Variants in ONECUT3 observed in about 807,000 individuals in gnomAD.
The protein encoded by ONECUT3 is one cut homeobox 3.
ONECUT3 carries 11 observed loss-of-function variants against 16.8 expected under a neutral mutation model. The ratio of observed to expected loss-of-function variants is 0.66; its 90% CI spans 0.41 to 1.09. The LOEUF (loss-of-function observed/expected upper bound fraction) is 1.09, where lower values mean the gene tolerates loss of function less well. Ranked by LOEUF, ONECUT3 falls within the 50% of genes least tolerant of loss-of-function variation. The probability of loss-of-function intolerance (pLI) is 0.00; values close to 1 mark genes in which losing one functional copy is unlikely to be tolerated. For missense variants in ONECUT3, 637 were observed against 629.9 expected (o/e 1.01, Z -0.12); for synonymous variants, 344 against 310.7 (o/e 1.11, Z -1.13).
chr19:1,761,846 C>G (rs1403636423), intron 1 of ONECUT3, among the ~76,000 whole-genome samples: 1 of 152,180 alleles, frequency 6.6e-6, no homozygotes, highest in African/African-American at 2.4e-5. Flanking sequence ...CGGCACCCCT[C>G]CTGAGTCCCG....
chr19:1,775,145 G>GGCCC lies in ONECUT3; in HGVS notation c.1193-8_1193-7insGCCC. 1.3e-6 allele frequency: 1 copy of GGCCC among 798,280 alleles called. No individual in the cohort carries two copies. The highest frequency in any genetic ancestry group is 2.0e-5 in the African/African-American group (1 of 50,714). The allele number at this position is 798,280 out of a possible 1,614,324, so 49.4% of individuals were successfully genotyped here. On this transcript the variant is annotated splice_region_variant and splice_polypyrimidine_tract_variant and intron_variant, in intron 1 of 1. Coordinates refer to ENST00000382349, the MANE Select transcript of ONECUT3 (RefSeq NM_001080488.2). Reference sequence around the variant, plus strand: ...CCGCTCGCCCGCCCGCCCGCCGCTCGCCCGCAGCCTGCAAGCGCAAGGAAC... The same window carrying GGCCC: ...CCGCTCGCCCGCCCGCCCGCCGCTCGGCCCCCCGCAGCCTGCAAGCGCAAGGAAC...
chr19:1,768,532 C>T (rs904878014), intron 1 of ONECUT3, among the ~76,000 whole-genome samples: 1 of 152,116 alleles, frequency 6.6e-6, no homozygotes, highest in African/African-American at 2.4e-5. Flanking sequence ...GCCTGGGGTC[C>T]CAGAGCAAGC....
Position 1,759,974 on chromosome 19 carries a change from C to G in ONECUT3, c.1192+5120C>G, listed in dbSNP as rs1002828105. 6.6e-6 allele frequency among the ~76,000 whole-genome samples: 1 copy of G among 152,210 alleles called. No homozygotes were observed. Among genetic ancestry groups the G allele is most frequent in the Non-Finnish European group, 1.5e-5 (1 of 68,036 alleles). On this transcript the variant is annotated intron_variant, in intron 1 of 1. Transcript: ENST00000382349. The surrounding 1 kb of genome is among the most constrained non-coding windows in gnomAD (Gnocchi z 4.1). ...CAAAACTTCAGGGCCCGGGGAGGAG[C>G]AGCCCTAGCTAGGGACCTGGGCCAG...
rs1461603965 is a variant in ONECUT3 at position 1,754,197 on chromosome 19, G to T, written c.535G>T (p.Ala179Ser). ...TLMRDERAALASVGHLYGPYG... is the reference protein window; with the variant it reads ...TLMRDERAALSSVGHLYGPYG... Reference sequence around the variant, plus strand: ...CATGCGCGACGAGCGGGCGGCGCTCGCCTCCGTGGGCCACCTCTACGGACC... The same window carrying T: ...CATGCGCGACGAGCGGGCGGCGCTCTCCTCCGTGGGCCACCTCTACGGACC... Residue 179 changes from alanine to serine, a missense_variant, in exon 1 of 2, where the codon GCC (alanine) becomes TCC (serine). Physicochemically the swap from Ala to Ser is moderately conservative, Grantham distance 99 (BLOSUM62 1). Around this residue, in one of 3 missense-constraint regions of ONECUT3, gnomAD observed 419 missense variants for 377.9 expected, o/e 1.11. Transcript: ENST00000382349. This position sits in a 1 kb window ranked among gnomAD's most constrained non-coding sequence, Gnocchi z 7.4. The T allele has an allele frequency of 1.7e-6, 2 of 1,144,942 alleles. No homozygotes were observed. The highest frequency in any genetic ancestry group is 7.0e-5 in the East Asian group (1 of 14,298). The allele number at this position is 1,144,942 out of a possible 1,614,324, so 70.9% of individuals were successfully genotyped here.
chr19:1,762,267 C>A lies in ONECUT3; in HGVS notation c.1192+7413C>A, dbSNP rs1480267683. Among the ~76,000 whole-genome samples the A allele has an allele frequency of 6.6e-6, 1 of 152,210 alleles. No individual in the cohort carries two copies. The highest frequency in any genetic ancestry group is 1.5e-5 in the Non-Finnish European group (1 of 68,030). On this transcript the variant is annotated intron_variant, in intron 1 of 1. Transcript: ENST00000382349. This position sits in a 1 kb window ranked among gnomAD's most constrained non-coding sequence, Gnocchi z 4.4. ...GCCAGCCCTCCAACCCTCCTGCCCT[C>A]CTGCCCTCCTGCCCTCCTCTCTGGG...
At chr19:1,768,909 AGGTGGAGGTGGT>A (rs1477616115) in intron 1 of ONECUT3, among the ~76,000 whole-genome samples, 2 of 99,556 alleles carry the variant, frequency 2.0e-5, no homozygotes, top group Non-Finnish European at 4.4e-5. Context: ...GAGGTGGTGG[AGGTGGAGGTGGT>A]GGAGGTGAAG....
At chr19:1,757,818 C>T (rs544353954) in intron 1 of ONECUT3, among the ~76,000 whole-genome samples, 1 of 152,092 alleles carries the variant, frequency 6.6e-6, no homozygotes, top group African/African-American at 2.4e-5. Context: ...GTCCCCATCT[C>T]CACCTAACAC....
At chr19:1,771,184 G>A (rs1211765400) in intron 1 of ONECUT3, among the ~76,000 whole-genome samples, 1 of 152,140 alleles carries the variant, frequency 6.6e-6, no homozygotes, top group Non-Finnish European at 1.5e-5. Context: ...TCTGATCTGG[G>A]TGGGGCTGCC....
chr19:1,775,126 G>GGGCCC, intron 1 of ONECUT3, 27 bp from the exon 2 acceptor site: 364 of 1,143,208 alleles, frequency 3.2e-4, no homozygotes, highest in Middle Eastern at 6.1e-4. Flanking sequence ...TGTCCCGCTC[G>GGGCCC]CCCGCCCGCC....
chr19:1,773,480 A>G (rs1005607311), intron 1 of ONECUT3, among the ~76,000 whole-genome samples: 3 of 152,174 alleles, frequency 2.0e-5, no homozygotes, highest in African/African-American at 7.2e-5. Flanking sequence ...CAGAAGGAAC[A>G]TTCATTTATT....
chr19:1,753,662 C>T lies in ONECUT3; in HGVS notation c.-1C>T. The T allele has an allele frequency of 1.9e-6, 2 of 1,050,212 alleles. No homozygotes were observed. Among genetic ancestry groups the T allele is most frequent in the Non-Finnish European group, 2.3e-6 (2 of 871,810 alleles). 65.1% of individuals were successfully genotyped at this position (1,050,212 alleles called of 1,614,324 possible). A position where few individuals can be genotyped will look rare whatever the true frequency, so the allele number is the denominator to read the frequency against. On this transcript the variant is annotated 5_prime_UTR_variant, in exon 1 of 2. Coordinates refer to ENST00000382349, the MANE Select transcript of ONECUT3 (RefSeq NM_001080488.2). ...CGCGCGCGGCGGGAGGGCAGCCGAG[C>T]ATGGAGCTGAGCCTGGAGAGCCTGG...
At position 1,755,302 on chromosome 19, in the gene ONECUT3, T is replaced by C. The variant is rs2067910835; in HGVS notation, c.1192+448T>C. ...TCCTCCAGAGTGGGTGGAGAGGGGC[T>C]GTTGAGCCCCCAGCCCCGGGCCACA... On this transcript the variant is annotated intron_variant, in intron 1 of 1. Coordinates refer to ENST00000382349, the MANE Select transcript of ONECUT3 (RefSeq NM_001080488.2). The surrounding 1 kb of genome is among the most constrained non-coding windows in gnomAD (Gnocchi z 7.5). 6.6e-6 allele frequency among the ~76,000 whole-genome samples: 1 copy of C among 151,978 alleles called. No individual in the cohort carries two copies. Among genetic ancestry groups the C allele is most frequent in the African/African-American group, 2.4e-5 (1 of 41,382 alleles).
chr19:1,770,786 T>C (rs10404454), intron 1 of ONECUT3, among the ~76,000 whole-genome samples: 6,079 of 152,248 alleles, frequency 0.04, 410 homozygotes, highest in African/African-American at 0.14. Context: ...TGCATTTCCT[T>C]CCATGTTTCT....
rs527992517 is a variant in ONECUT3 at position 1,774,888 on chromosome 19, C to T, written c.1193-265C>T. On this transcript the variant is annotated intron_variant, in intron 1 of 1. Transcript: ENST00000382349. The stretch of plus-strand genomic sequence containing the variant: ...CCCTCTGGCTGCATCCTGGACTTTC[C>T]TGTTGTCTCCCTGTTGACCTTGCTG... Among the ~76,000 whole-genome samples the T allele has an allele frequency of 2.6e-5, 4 of 151,996 alleles. No homozygotes were observed. In the South Asian group the frequency reaches 6.3e-4, roughly 24 times the overall value.
chr19:1,773,687 A>C (rs2068078087), intron 1 of ONECUT3, among the ~76,000 whole-genome samples: 1 of 152,168 alleles, frequency 6.6e-6, no homozygotes, highest in African/African-American at 2.4e-5. Context: ...TCCGGGATGG[A>C]GACAAGGGCA....
rs753511623 is a variant in ONECUT3, at chr19:1,760,573, C to G, written c.1192+5719C>G. On this transcript the variant is annotated intron_variant, in intron 1 of 1. Coordinates refer to ENST00000382349, the MANE Select transcript of ONECUT3 (RefSeq NM_001080488.2). ...CTGCGCTGCGCTTCCCCCTGTGCCC[C>G]AGCTCCTCCAAGTATGATGATGTTG... Among the ~76,000 whole-genome samples the G allele has an allele frequency of 3.0e-4, 45 of 152,096 alleles. 1 individual carries two copies. Among genetic ancestry groups the G allele is most frequent in the Non-Finnish European group, 5.6e-4 (38 of 67,980 alleles).
Position 1,775,603 on chromosome 19 carries a change from C to G in ONECUT3, c.*158C>G. 1.6e-6 allele frequency: 1 copy of G among 637,184 alleles called. No homozygotes were observed. The highest frequency in any genetic ancestry group is 3.4e-5 in the East Asian group (1 of 29,396). 39.5% of individuals were successfully genotyped at this position (637,184 alleles called of 1,614,324 possible). On this transcript the variant is annotated 3_prime_UTR_variant, in exon 2 of 2. Transcript: ENST00000382349. ...CACCCGGGGAGGGGGAAGCAGCACA[C>G]CCCCCAGCCCAAGTGCACAAAAAGG...
At position 1,753,692 on chromosome 19, in the gene ONECUT3, C is replaced by T; in HGVS notation, c.30C>T (p.Gly10=). MELSLESLG[G]LHSVAHAQAG... ...AGCTGAGCCTGGAGAGCCTGGGGGG[C>T]CTGCACAGCGTGGCCCACGCGCAGG... The change falls in exon 1 of 2, where the codon GGC becomes GGT. Residue 10 remains glycine (G), a synonymous_variant. Transcript: ENST00000382349. 1.9e-6 allele frequency: 2 copies of T among 1,050,216 alleles called. No individual in the cohort carries two copies. The highest frequency in any genetic ancestry group is 2.3e-6 in the Non-Finnish European group (2 of 873,390). The allele number at this position is 1,050,216 out of a possible 1,614,324, so 65.1% of individuals were successfully genotyped here.
At chr19:1,768,631 C>T (rs544835247) in intron 1 of ONECUT3, among the ~76,000 whole-genome samples, 13 of 152,286 alleles carry the variant, frequency 8.5e-5, no homozygotes, top group Non-Finnish European at 1.8e-4. Flanking sequence ...GACTACAGGT[C>T]GGGAGCTGCT....
Sources: allele counts gnomAD v4.1 joint callset (sites outside exome capture counted in the v4.1 genomes callset), GRCh38; gene constraint gnomAD v4.1.1; regional missense constraint gnomAD v4.1.1; non-coding constraint Gnocchi (gnomAD v3.1); transcripts MANE v1.5; gene names NCBI Gene and HGNC (gene_info 2026-07-23, HGNC 2026-07-21).